The following SLC18A2 variants were observed in gnomAD, a reference collection of about 807,000 sequenced individuals.
SLC18A2 encodes synaptic vesicular amine transporter.
In SLC18A2, 33 loss-of-function variants were observed where a neutral mutation model predicts 59.2. That is an observed-to-expected ratio of 0.56 (90% CI 0.42 to 0.75). The LOEUF is 0.75. Among genes scored for constraint, SLC18A2 ranks in the 30% least tolerant of loss-of-function variants. The probability of loss-of-function intolerance (pLI) is 0.00; values close to 1 mark genes in which losing one functional copy is unlikely to be tolerated. For missense variants in SLC18A2, 569 were observed against 668.6 expected (o/e 0.85, Z 1.64); for synonymous variants, 228 against 253.5 (o/e 0.90, Z 0.95).
chr10:117,251,596 G>C (rs1844163089), intron 3 of SLC18A2, among the ~76,000 whole-genome samples: 1 of 152,182 alleles, frequency 6.6e-6, no homozygotes, highest in African/African-American at 2.4e-5. Context: ...CTGGGAATCT[G>C]TCATGCTTGT....
rs1292476345 is a variant in SLC18A2 at position 117,270,434 on chromosome 10, C to T, written c.1411C>T (p.Arg471Ter). 12 of 1,613,670 alleles carry T rather than the reference C, an allele frequency of 7.4e-6. No individual in the cohort carries two copies. Among genetic ancestry groups the T allele is most frequent in the South Asian group, 1.1e-5 (1 of 90,982 alleles). The change falls in exon 15 of 16, where the codon CGA (arginine) becomes TGA (stop). Residue 471 changes from arginine to a stop codon, truncating the protein, a stop_gained. Coordinates refer to ENST00000644641, the MANE Select transcript of SLC18A2 (RefSeq NM_003054.6). LOFTEE classifies it high-confidence loss of function. Reference sequence around the variant, plus strand: ...TTTTGCCCCTCTCTGCTTTTTTCTTCGAAGTCCACCTGCCAAAGAAGAAAA... The same window carrying T: ...TTTTGCCCCTCTCTGCTTTTTTCTTTGAAGTCCACCTGCCAAAGAAGAAAA... Reference protein sequence around the residue: ...ILFAPLCFFLRSPPAKEEKMA... With the variant: ...ILFAPLCFFL
intron 15 of SLC18A2, 29 bp downstream of exon 15, chr10:117,270,492 T>C (rs1361312175): frequency 6.2e-7 from 1 of 1,609,778 alleles, no homozygotes; most frequent in Non-Finnish European, 8.5e-7. Context: ...GCAGTGAGCA[T>C]TTCTTGATAA....
intron 15 of SLC18A2, among the ~76,000 whole-genome samples, chr10:117,274,339 C>A (rs918745116): frequency 6.6e-6 from 1 of 152,124 alleles, no homozygotes; most frequent in Non-Finnish European, 1.5e-5. Flanking sequence ...ATGCATGATG[C>A]CAAATAGTCT....
chr10:117,257,594 G>C (rs1844244508), intron 9 of SLC18A2, among the ~76,000 whole-genome samples: 2 of 152,188 alleles, frequency 1.3e-5, no homozygotes, highest in South Asian at 4.1e-4. Flanking sequence ...TGGGATTCTA[G>C]TTGTTTAAAA....
At chr10:117,260,670 A>T (rs977948224) in intron 10 of SLC18A2, among the ~76,000 whole-genome samples, 1 of 152,224 alleles carries the variant, frequency 6.6e-6, no homozygotes, top group East Asian at 1.9e-4. Context: ...AAAATAAAAC[A>T]ACATATAACT....
intron 9 of SLC18A2, among the ~76,000 whole-genome samples, 196 bp downstream of exon 9, chr10:117,255,853 A>C (rs1844223731): frequency 6.6e-6 from 1 of 152,220 alleles, no homozygotes; most frequent in African/African-American, 2.4e-5. Flanking sequence ...CACTCAGCCA[A>C]GGCCCTTTTT....
At chr10:117,274,375 A>G (rs1589987401) in intron 15 of SLC18A2, among the ~76,000 whole-genome samples, 1 of 152,280 alleles carries the variant, frequency 6.6e-6, no homozygotes, top group Middle Eastern at 3.4e-3. Flanking sequence ...CCTGCAGTGC[A>G]GTTTTTTGTT....
chr10:117,267,210 G>A lies in SLC18A2; in HGVS notation c.1122+175G>A, dbSNP rs1182107448. On this transcript the variant is annotated intron_variant, in intron 12 of 15. Coordinates refer to ENST00000644641, the MANE Select transcript of SLC18A2 (RefSeq NM_003054.6). ...ATGTTTGGACAAGACTTTCCAAGGA[G>A]TGTATTTTCATTTTATGTCAGAAAT... 1.0e-5 allele frequency: 6 copies of A among 578,698 alleles called. No individual in the cohort carries two copies. In the African/African-American group the frequency reaches 1.1e-4, roughly 11 times the overall value. The allele number at this position is 578,698 out of a possible 1,614,324, so 35.8% of individuals were successfully genotyped here. A position where few individuals can be genotyped will look rare whatever the true frequency, so the allele number is the denominator to read the frequency against.
intron 15 of SLC18A2, among the ~76,000 whole-genome samples, chr10:117,274,885 A>T (rs1384843333): frequency 6.6e-6 from 1 of 152,162 alleles, no homozygotes; most frequent in Non-Finnish European, 1.5e-5. Context: ...AACACCTAGT[A>T]GGTGTCCCGT....
At chr10:117,271,353 A>T (rs1844423665) in intron 15 of SLC18A2, among the ~76,000 whole-genome samples, 1 of 152,218 alleles carries the variant, frequency 6.6e-6, no homozygotes, top group South Asian at 2.1e-4. Context: ...TGACAGTGGA[A>T]CTGAATGCAT....
At chr10:117,264,392 C>T (rs577365613) in intron 10 of SLC18A2, among the ~76,000 whole-genome samples, 6 of 152,338 alleles carry the variant, frequency 3.9e-5, no homozygotes, top group African/African-American at 1.4e-4. Context: ...AGGTGGATCA[C>T]TTGAGCCCAA....
chr10:117,265,472 A>G (rs570838904), intron 10 of SLC18A2, among the ~76,000 whole-genome samples: 1 of 152,248 alleles, frequency 6.6e-6, no homozygotes, highest in African/African-American at 2.4e-5. Flanking sequence ...AACTTTTACT[A>G]TGTGTGGGCA....
At chr10:117,241,574 A>C in intron 1 of SLC18A2, 105 bp from the exon 2 acceptor site, 1 of 1,248,410 alleles carries the variant, frequency 8.0e-7, no homozygotes. Context: ...GTGTCCCCGG[A>C]TGCCGGTGCG....
In SLC18A2 at chr10:117,253,394, T is replaced by G; in HGVS notation, c.465-5T>G. On this transcript the variant is annotated splice_polypyrimidine_tract_variant and splice_region_variant and intron_variant, in intron 3 of 15. Coordinates refer to ENST00000644641, the MANE Select transcript of SLC18A2 (RefSeq NM_003054.6). ...CCAGATTTGTCTGATGTTTGTGTTT[T>G]GCAGAATTGGCTATCCAATTCCCAT... is the stretch of plus-strand genomic sequence containing the variant. The G allele has an allele frequency of 6.2e-7, 1 of 1,611,810 alleles. No individual in the cohort carries two copies. The highest frequency in any genetic ancestry group is 8.5e-7 in the Non-Finnish European group (1 of 1,177,906).
At chr10:117,252,937 G>A (rs141102562) in intron 3 of SLC18A2, among the ~76,000 whole-genome samples, 121 of 152,292 alleles carry the variant, frequency 7.9e-4, no homozygotes, top group African/African-American at 2.7e-3. Flanking sequence ...GCCTCATGGG[G>A]TCAACAGGAA....
chr10:117,241,953 C>A (rs1271204668), intron 2 of SLC18A2, 139 bp downstream of exon 2: 1 of 848,510 alleles, frequency 1.2e-6, no homozygotes, highest in Non-Finnish European at 1.7e-6. Context: ...AAAAAGACAT[C>A]CCCTCCAGGC....
chr10:117,248,154 TG>T (rs1348578248), intron 3 of SLC18A2, among the ~76,000 whole-genome samples: 1 of 151,962 alleles, frequency 6.6e-6, no homozygotes, highest in Non-Finnish European at 1.5e-5. Flanking sequence ...TTAGTAGAGA[TG>T]GGGTTTCAGC....
Position 117,278,606 on chromosome 10 carries a change from CAT to C in SLC18A2, c.*1342_*1343del, listed in dbSNP as rs1271783572. 2 of 152,110 alleles carry C rather than the reference CAT, an allele frequency of 1.3e-5. No individual in the cohort carries two copies. Among genetic ancestry groups the C allele is most frequent in the Non-Finnish European group, 2.9e-5 (2 of 68,034 alleles). 9.4% of individuals were successfully genotyped at this position (152,110 alleles called of 1,614,324 possible). On this transcript the variant is annotated 3_prime_UTR_variant, in exon 16 of 16. Coordinates refer to ENST00000644641, the MANE Select transcript of SLC18A2 (RefSeq NM_003054.6). ...CTTGTGAATCCTGCAGTTCTATAAT[CAT>C]AAACAAAAATTACTTAGTTTCGTTA...
intron 10 of SLC18A2, among the ~76,000 whole-genome samples, chr10:117,264,170 A>T (rs549454750): frequency 6.6e-6 from 1 of 152,298 alleles, no homozygotes; most frequent in East Asian, 1.9e-4. Flanking sequence ...AATGTAGAAG[A>T]TCTCCCTTTG....
Sources: gnomAD v4.1 joint callset for allele counts (sites outside exome capture counted in the v4.1 genomes callset) on GRCh38, gnomAD v4.1.1 for gene constraint, MANE v1.5 for transcripts, NCBI Gene and HGNC (gene_info 2026-07-23, HGNC 2026-07-21) for gene names.